TEKT5: variants seen among roughly 807,000 people sequenced by gnomAD.
The protein encoded by TEKT5 is tektin 5, also known as tektin-5.
A neutral mutation model predicts 48.7 loss-of-function variants in TEKT5; 52 were observed. The ratio of observed to expected loss-of-function variants is 1.07; its 90% confidence interval spans 0.86 to 1.35. The LOEUF (loss-of-function observed/expected upper bound fraction) is 1.35, where lower values mean the gene tolerates loss of function less well. Ranked by LOEUF, TEKT5 falls within the 40% of genes most tolerant of loss-of-function variation. The probability of loss-of-function intolerance (pLI) is 0.00; values close to 1 mark genes in which losing one functional copy is unlikely to be tolerated. For missense variants in TEKT5, 831 were observed against 641.6 expected (o/e 1.30, Z -3.19); for synonymous variants, 318 against 267.6 (o/e 1.19, Z -1.84).
chr16:10,627,594 C>T lies in TEKT5; in HGVS notation c.1447G>A (p.Gly483Ser), dbSNP rs746762476. The T allele has an allele frequency of 6.2e-7, 1 of 1,613,990 alleles. No individual in the cohort carries two copies. The highest frequency in any genetic ancestry group is 1.7e-5 in the Admixed American group (1 of 60,002). ...KTFPCTPRLV[G>S]HT is the part of the protein sequence containing the mutation. ...CGCCAGGGCGGTGCTCAGGTGTGGC[C>T]CACCAGGCGCGGGGTGCAGGGGAAG... The change falls in exon 7 of 7, where the codon GGC becomes AGC. Residue 483 changes from glycine to serine, a missense_variant. Transcript: ENST00000283025.
intron 4 of TEKT5, among the ~76,000 whole-genome samples, chr16:10,681,210 A>G (rs1303378678): frequency 6.6e-6 from 1 of 152,124 alleles, no homozygotes; most frequent in East Asian, 1.9e-4. Context: ...TTAAAACTTC[A>G]CACACCCACC....
chr16:10,655,377 C>T lies in TEKT5; in HGVS notation c.1087-19459G>A, dbSNP rs183245171. Among the ~76,000 whole-genome samples the T allele has an allele frequency of 4.9e-3, 750 of 152,258 alleles. 1 individual carries two copies. Among genetic ancestry groups the T allele is most frequent in the Non-Finnish European group, 8.2e-3 (557 of 68,024 alleles). On this transcript the variant is annotated intron_variant, in intron 5 of 6. Coordinates refer to ENST00000283025, the MANE Select transcript of TEKT5 (RefSeq NM_144674.2). ...GTTCCACTACTTACCCCCTATTCAACCTTGTAAAAATTACCTGATCTGTCT... is the reference window on the plus strand; with the variant it reads ...GTTCCACTACTTACCCCCTATTCAATCTTGTAAAAATTACCTGATCTGTCT...
At chr16:10,672,739 A>G (rs1183910468) in intron 5 of TEKT5, among the ~76,000 whole-genome samples, 1 of 152,222 alleles carries the variant, frequency 6.6e-6, no homozygotes, top group African/African-American at 2.4e-5. Flanking sequence ...CAACTAGTAC[A>G]TTAAGATCAC....
intron 6 of TEKT5, among the ~76,000 whole-genome samples, chr16:10,630,604 C>T (rs1411118278): frequency 6.6e-6 from 1 of 152,102 alleles, no homozygotes; most frequent in African/African-American, 2.4e-5. Flanking sequence ...GAACTTTCTG[C>T]AAAAATGGAA....
chr16:10,690,510 T>C (rs1898950928), intron 1 of TEKT5: 1 of 925,586 alleles, frequency 1.1e-6, no homozygotes, highest in African/African-American at 1.8e-5. Context: ...ATGGGTGCCA[T>C]ATTGGTGCCT....
At chr16:10,654,857 A>G (rs2056076922) in intron 5 of TEKT5, among the ~76,000 whole-genome samples, 1 of 150,592 alleles carries the variant, frequency 6.6e-6, no homozygotes, top group South Asian at 2.1e-4. Context: ...GTTTCTCTGG[A>G]GACCCTTAAA....
chr16:10,656,570 G>T (rs1898266144), intron 5 of TEKT5, among the ~76,000 whole-genome samples: 1 of 152,034 alleles, frequency 6.6e-6, no homozygotes, highest in African/African-American at 2.4e-5. Flanking sequence ...TTTATTTATT[G>T]AGAAATTTGG....
chr16:10,691,125 C>T (rs1399490600), intron 1 of TEKT5: 2 of 152,188 alleles, frequency 1.3e-5, no homozygotes, highest in East Asian at 3.9e-4. Flanking sequence ...GGGAGGATTA[C>T]TTAAGCTCAG....
intron 3 of TEKT5, among the ~76,000 whole-genome samples, chr16:10,686,776 T>C (rs1898868239): frequency 1.3e-5 from 2 of 152,152 alleles, no homozygotes; most frequent in Non-Finnish European, 2.9e-5. Flanking sequence ...AACCCAGTTT[T>C]AAAATGGACA....
intron 5 of TEKT5, among the ~76,000 whole-genome samples, chr16:10,660,468 C>G (rs1035127424): frequency 6.6e-6 from 1 of 152,174 alleles, no homozygotes; most frequent in Admixed American, 6.5e-5. Flanking sequence ...TCAGCCCTAA[C>G]ACAAACCAAC....
intron 5 of TEKT5, among the ~76,000 whole-genome samples, chr16:10,647,111 T>C (rs1283492383): frequency 6.6e-6 from 1 of 151,990 alleles, no homozygotes; most frequent in Non-Finnish European, 1.5e-5. Context: ...CATCTAGGCG[T>C]CCCTACTTGA....
In TEKT5 at chr16:10,676,178, G is replaced by T. The variant is rs1567233759; in HGVS notation, c.867C>A (p.Ile289=). ...FHGMEKIDGT[I]SVPETWAKFS... Reference sequence around the variant, plus strand: ...ACTTGGCCCAGGTCTCAGGTACGGAGATCCTGCAAAGGCACAAGGGTGAGT... The same window carrying T: ...ACTTGGCCCAGGTCTCAGGTACGGATATCCTGCAAAGGCACAAGGGTGAGT... The change falls in exon 5 of 7, where the codon ATC becomes ATA. Residue 289 remains isoleucine (I), a synonymous_variant. Transcript: ENST00000283025. The T allele has an allele frequency of 6.2e-7, 1 of 1,614,186 alleles. No individual in the cohort carries two copies. The highest frequency in any genetic ancestry group is 8.5e-7 in the Non-Finnish European group (1 of 1,180,026).
chr16:10,685,849 T>A (rs1898854309), intron 3 of TEKT5, among the ~76,000 whole-genome samples: 1 of 152,060 alleles, frequency 6.6e-6, no homozygotes, highest in Non-Finnish European at 1.5e-5. Flanking sequence ...TTCTCCCAGA[T>A]CCCCCCACCT....
chr16:10,662,219 T>A (rs1898385390), intron 5 of TEKT5, among the ~76,000 whole-genome samples: 1 of 152,176 alleles, frequency 6.6e-6, no homozygotes, highest in African/African-American at 2.4e-5. Flanking sequence ...CCCCCATTTG[T>A]GACAACTAAA....
chr16:10,694,020 A>T (rs1463451728), intron 1 of TEKT5, among the ~76,000 whole-genome samples: 1 of 152,184 alleles, frequency 6.6e-6, no homozygotes, highest in African/African-American at 2.4e-5. Context: ...TAAGGACCAG[A>T]ACACACACAT....
At chr16:10,647,911 G>C (rs7197917) in intron 5 of TEKT5, among the ~76,000 whole-genome samples, 2,176 of 152,344 alleles carry the variant, frequency 0.014, 59 homozygotes, top group African/African-American at 0.047. Context: ...GGAAAACCCT[G>C]TCCTTGTGGA....
At chr16:10,648,324 AT>A (rs200012329) in intron 5 of TEKT5, among the ~76,000 whole-genome samples, 65 of 147,724 alleles carry the variant, frequency 4.4e-4, no homozygotes, top group East Asian at 2.2e-3. Flanking sequence ...TTTATTTATC[AT>A]TTTTTTTTTT....
intron 4 of TEKT5, among the ~76,000 whole-genome samples, chr16:10,681,056 A>G (rs1389988695): frequency 2.0e-5 from 3 of 150,676 alleles, no homozygotes; most frequent in African/African-American, 7.3e-5. Context: ...AAAAAAAAAA[A>G]AACCTCACAA....
chr16:10,647,287 G>A (rs1898084598), intron 5 of TEKT5, among the ~76,000 whole-genome samples: 1 of 151,948 alleles, frequency 6.6e-6, no homozygotes. Context: ...GGGTAGCATG[G>A]TGAGACCCTG....
Sources: gnomAD v4.1 joint callset for allele counts (sites outside exome capture counted in the v4.1 genomes callset) on GRCh38, gnomAD v4.1.1 for gene constraint, MANE v1.5 for transcripts, NCBI Gene and HGNC (gene_info 2026-07-23, HGNC 2026-07-21) for gene names.